CFAP54: variants seen among roughly 807,000 people sequenced by gnomAD.
CFAP54 encodes cilia- and flagella-associated protein 54.
A neutral mutation model predicts 370.4 loss-of-function variants in CFAP54; 290 were observed. The ratio of observed to expected loss-of-function variants is 0.78; its 90% confidence interval spans 0.71 to 0.86. CFAP54 has a LOEUF of 0.86. Ranked by LOEUF, CFAP54 falls within the 40% of genes least tolerant of loss-of-function variation. The pLI is 0.00. For synonymous variants in CFAP54, 1,206 were observed against 1,236.5 expected, an observed-to-expected ratio of 0.98 and a Z score of 0.52; for missense variants, 3,399 against 3,528.7, an observed-to-expected ratio of 0.96 and a Z score of 0.93.
At chr12:96,630,487 ATAAAT>A in intron 31 of CFAP54, 59 bp from the exon 32 acceptor site, 1 of 849,578 alleles carries the variant, frequency 1.2e-6, no homozygotes, top group African/African-American at 1.7e-5. Context: ...TAGAGTATGA[ATAAAT>A]TATACTACTG....
intron 26 of CFAP54, among the ~76,000 whole-genome samples, chr12:96,603,619 C>T (rs1168815897): frequency 6.6e-6 from 1 of 152,236 alleles, no homozygotes; most frequent in Non-Finnish European, 1.5e-5. Flanking sequence ...GGTCTTTTCA[C>T]ATAGTCCCAT....
chr12:96,560,258 T>C (rs1020430647), intron 17 of CFAP54, among the ~76,000 whole-genome samples: 2 of 152,180 alleles, frequency 1.3e-5, no homozygotes, highest in Non-Finnish European at 1.5e-5. Context: ...CATTAACCAA[T>C]CTCTGGTTAT....
intron 65 of CFAP54, among the ~76,000 whole-genome samples, chr12:96,827,071 C>A (rs1319960139): frequency 8.4e-5 from 11 of 131,098 alleles, no homozygotes; most frequent in African/African-American, 3.2e-4. Flanking sequence ...ATATAATATG[C>A]AATTATATGT....
chr12:96,718,060 A>T (rs1957706049), intron 48 of CFAP54, among the ~76,000 whole-genome samples: 1 of 152,164 alleles, frequency 6.6e-6, no homozygotes, highest in East Asian at 1.9e-4. Flanking sequence ...GAGTTTTAAA[A>T]ACTATTAATA....
At chr12:96,628,299 GCAGT>G (rs1299839132) in intron 30 of CFAP54, among the ~76,000 whole-genome samples, 1 of 152,200 alleles carries the variant, frequency 6.6e-6, no homozygotes, top group African/African-American at 2.4e-5. Flanking sequence ...AAAATGAAAA[GCAGT>G]CAGTCAGAGC....
intron 26 of CFAP54, among the ~76,000 whole-genome samples, chr12:96,600,423 G>A (rs925216529): frequency 4.6e-5 from 7 of 152,144 alleles, no homozygotes; most frequent in Non-Finnish European, 7.3e-5. Context: ...GTAGAGTGAT[G>A]CCTCCAGCTT....
intron 8 of CFAP54, among the ~76,000 whole-genome samples, chr12:96,525,051 T>C (rs1457253442): frequency 6.6e-6 from 1 of 152,186 alleles, no homozygotes; most frequent in Non-Finnish European, 1.5e-5. Flanking sequence ...TCTCTTGATA[T>C]ATGTTGCCAA....
intron 6 of CFAP54, among the ~76,000 whole-genome samples, chr12:96,521,457 GCAT>G (rs1955312795): frequency 6.6e-6 from 1 of 151,814 alleles, no homozygotes; most frequent in Admixed American, 6.6e-5. Context: ...AGATAATACA[GCAT>G]GTCATGATAG....
At chr12:96,709,707 A>ATTATTATTG (rs1403087563) in intron 48 of CFAP54, among the ~76,000 whole-genome samples, 2 of 148,006 alleles carry the variant, frequency 1.4e-5, no homozygotes, top group East Asian at 3.9e-4. Context: ...ATGGTTTATT[A>ATTATTATTG]TTATTATTAT....
At chr12:96,610,960 G>T (rs550848050) in intron 26 of CFAP54, among the ~76,000 whole-genome samples, 3 of 152,238 alleles carry the variant, frequency 2.0e-5, no homozygotes, top group Non-Finnish European at 4.4e-5. Context: ...CACCTGTGGG[G>T]GCAGGGCACA....
intron 64 of CFAP54, among the ~76,000 whole-genome samples, chr12:96,817,507 G>GC (rs1958989194): frequency 6.6e-6 from 1 of 150,734 alleles, no homozygotes; most frequent in African/African-American, 2.4e-5. Flanking sequence ...TGCAAGCTCT[G>GC]CCTCCCAGGT....
chr12:96,771,434 C>T (rs553941849), intron 60 of CFAP54, among the ~76,000 whole-genome samples: 3 of 152,228 alleles, frequency 2.0e-5, no homozygotes, highest in East Asian at 3.9e-4. Flanking sequence ...GGGCGGTTCA[C>T]GAGGTCAGGA....
At chr12:96,714,774 A>G (rs935399705) in intron 48 of CFAP54, among the ~76,000 whole-genome samples, 1 of 151,960 alleles carries the variant, frequency 6.6e-6, no homozygotes, top group Non-Finnish European at 1.5e-5. Flanking sequence ...GGGACAAAAG[A>G]GGGTTTAAAA....
intron 50 of CFAP54, among the ~76,000 whole-genome samples, chr12:96,739,468 A>G (rs2160542): frequency 0.38 from 57,357 of 151,962 alleles, 11,984 homozygotes; most frequent in East Asian, 0.68. Context: ...CAGAGATTAA[A>G]CAATAATTTA....
intron 58 of CFAP54, among the ~76,000 whole-genome samples, chr12:96,758,251 C>T (rs1174124083): frequency 6.6e-6 from 1 of 152,046 alleles, no homozygotes; most frequent in Non-Finnish European, 1.5e-5. Context: ...AGTTCATTTT[C>T]ACGCTGCTAA....
At chr12:96,785,910 G>A (rs7309462) in intron 61 of CFAP54, among the ~76,000 whole-genome samples, 49,545 of 151,960 alleles carry the variant, frequency 0.33, 8,367 homozygotes, top group South Asian at 0.54. Context: ...AGTTCTACGT[G>A]GTTTGTCAGA....
intron 27 of CFAP54, among the ~76,000 whole-genome samples, 152 bp downstream of exon 27, chr12:96,621,873 TTG>T (rs1483279856): frequency 4.1e-4 from 45 of 109,296 alleles, no homozygotes; most frequent in African/African-American, 1.3e-3. Flanking sequence ...GCTTTTGGGT[TTG>T]TTTTTTTTTT....
chr12:96,648,960 T>A (rs1956829382), intron 34 of CFAP54, among the ~76,000 whole-genome samples: 1 of 152,200 alleles, frequency 6.6e-6, no homozygotes, highest in African/African-American at 2.4e-5. Context: ...TCCACACCCC[T>A]TTCCTGCAAA....
chr12:96,759,328 A>G (rs77685077), intron 58 of CFAP54, among the ~76,000 whole-genome samples: 3,182 of 152,122 alleles, frequency 0.021, 116 homozygotes, highest in African/African-American at 0.072. Flanking sequence ...GCAGGTGGCA[A>G]TACAAATTAA....
Sources: gnomAD v4.1 joint callset for allele counts (sites outside exome capture counted in the v4.1 genomes callset) on GRCh38, gnomAD v4.1.1 for gene constraint, MANE v1.5 for transcripts, NCBI Gene and HGNC (gene_info 2026-07-23, HGNC 2026-07-21) for gene names.